The following RARB variants were observed in gnomAD, a reference collection of about 807,000 sequenced individuals.
RARB encodes HBV-activated protein.
A neutral mutation model predicts 51.9 loss-of-function variants in RARB; 17 were observed. The ratio of observed to expected loss-of-function variants is 0.33; its 90% CI spans 0.22 to 0.49. The LOEUF is 0.49. Ranked by LOEUF, RARB falls within the 20% of genes least tolerant of loss-of-function variation. The pLI is 0.99. For missense variants in RARB, 369 were observed against 550.8 expected (o/e 0.67, Z 3.30); for synonymous variants, 215 against 195.4 (o/e 1.10, Z -0.84).
intron 1 of RARB, among the ~76,000 whole-genome samples, chr3:24,852,811 A>G (rs1470014909): frequency 2.0e-5 from 3 of 152,248 alleles, no homozygotes; most frequent in Non-Finnish European, 4.4e-5. Flanking sequence ...ATCTACAGAT[A>G]GAGAAAGTAA....
At chr3:24,963,975 C>T (rs1354281949) in intron 2 of RARB, among the ~76,000 whole-genome samples, 2 of 152,134 alleles carry the variant, frequency 1.3e-5, no homozygotes, top group East Asian at 1.9e-4. Context: ...CAGCAGAGGG[C>T]TTCCATACCT....
intron 1 of RARB, among the ~76,000 whole-genome samples, chr3:25,439,198 A>C (rs1708556246): frequency 6.6e-6 from 1 of 152,250 alleles, no homozygotes; most frequent in Admixed American, 6.5e-5. Context: ...TACCAAAAGC[A>C]AAAAAGTAAA....
At chr3:25,377,163 TAAC>T (rs113699550) in intron 5 of RARB, among the ~76,000 whole-genome samples, 6,216 of 152,270 alleles carry the variant, frequency 0.041, 135 homozygotes, top group Middle Eastern at 0.065. Flanking sequence ...ATTGTGTTAA[TAAC>T]AGATTCCTCT....
chr3:25,381,341 C>A (rs1328971295), intron 5 of RARB, among the ~76,000 whole-genome samples: 1 of 152,204 alleles, frequency 6.6e-6, no homozygotes, highest in Admixed American at 6.5e-5. Flanking sequence ...CAATGTAGTA[C>A]AGTGGCTGTA....
At chr3:24,892,818 A>T (rs568737919) in intron 2 of RARB, among the ~76,000 whole-genome samples, 1 of 152,332 alleles carries the variant, frequency 6.6e-6, no homozygotes, top group East Asian at 1.9e-4. Flanking sequence ...TCTTAAATTC[A>T]GTTGATGACC....
chr3:24,917,094 T>A (rs184814955), intron 2 of RARB, among the ~76,000 whole-genome samples: 12 of 152,334 alleles, frequency 7.9e-5, no homozygotes, highest in African/African-American at 2.9e-4. Flanking sequence ...AACTTTTGTT[T>A]TTTAAAAAAA....
At position 25,596,261 on chromosome 3, in the gene RARB, T is replaced by C. The variant is rs147438989; in HGVS notation, c.1151-159T>C. Among the ~76,000 whole-genome samples the C allele has an allele frequency of 0.018, 2,813 of 152,264 alleles. 89 individuals carry two copies. The highest frequency in any genetic ancestry group is 0.062 in the African/African-American group (2,593 of 41,534). Reference sequence around the variant, plus strand: ...TATGAGTGTGATAGTAATCGATAGATCTTTTTCAACAAAAAGCCACCTGAT... The same window carrying C: ...TATGAGTGTGATAGTAATCGATAGACCTTTTTCAACAAAAAGCCACCTGAT... On this transcript the variant is annotated intron_variant, in intron 7 of 7. Coordinates refer to ENST00000330688, the MANE Select transcript of RARB (RefSeq NM_000965.5).
At chr3:25,410,126 C>CT (rs1200989605) in intron 5 of RARB, among the ~76,000 whole-genome samples, 1 of 152,158 alleles carries the variant, frequency 6.6e-6, no homozygotes, top group African/African-American at 2.4e-5. Flanking sequence ...AACAGATTCC[C>CT]TAAGTTCTGA....
chr3:25,493,789 C>T (rs1575457188), intron 2 of RARB, among the ~76,000 whole-genome samples: 2 of 152,276 alleles, frequency 1.3e-5, no homozygotes, highest in East Asian at 3.9e-4. Flanking sequence ...TGCCAAATTG[C>T]CTTTAAAAAT....
chr3:25,303,571 G>A (rs1025439547), intron 5 of RARB, among the ~76,000 whole-genome samples: 12 of 152,016 alleles, frequency 7.9e-5, no homozygotes, highest in Non-Finnish European at 1.3e-4. Flanking sequence ...TCTTTTGCTG[G>A]GCAGATACCA....
intron 5 of RARB, among the ~76,000 whole-genome samples, chr3:25,328,783 G>C (rs1456486514): frequency 6.6e-6 from 1 of 152,184 alleles, no homozygotes; most frequent in Non-Finnish European, 1.5e-5. Flanking sequence ...GCCAAGGGAA[G>C]CTGTGACAGA....
At chr3:25,138,441 C>G (rs919376007) in intron 4 of RARB, among the ~76,000 whole-genome samples, 2 of 151,750 alleles carry the variant, frequency 1.3e-5, no homozygotes, top group African/African-American at 2.4e-5. Flanking sequence ...TTTGTTGTAC[C>G]AAGGTATATA....
At chr3:25,184,399 C>T (rs1020058900) in intron 5 of RARB, among the ~76,000 whole-genome samples, 2 of 152,052 alleles carry the variant, frequency 1.3e-5, no homozygotes, top group Non-Finnish European at 2.9e-5. Flanking sequence ...CATGTGGTCC[C>T]GCGAGAAGTA....
intron 5 of RARB, among the ~76,000 whole-genome samples, chr3:25,325,507 C>G (rs936388652): frequency 6.6e-6 from 1 of 152,074 alleles, no homozygotes; most frequent in African/African-American, 2.4e-5. Context: ...TGGAGTCGAT[C>G]TGGCTCAAAC....
At chr3:25,149,939 C>G (rs962608504) in intron 4 of RARB, among the ~76,000 whole-genome samples, 1 of 152,120 alleles carries the variant, frequency 6.6e-6, no homozygotes, top group African/African-American at 2.4e-5. Flanking sequence ...CAGTGGCTCA[C>G]TTCTGTAATC....
At chr3:25,154,820 T>C (rs1403456390) in intron 4 of RARB, among the ~76,000 whole-genome samples, 1 of 152,218 alleles carries the variant, frequency 6.6e-6, no homozygotes, top group Non-Finnish European at 1.5e-5. Flanking sequence ...GCATCCTGTG[T>C]GCTTTCATAA....
chr3:25,062,415 A>G (rs1428420458), intron 3 of RARB, among the ~76,000 whole-genome samples: 1 of 151,884 alleles, frequency 6.6e-6, no homozygotes, highest in African/African-American at 2.4e-5. Context: ...TGTGAAATTG[A>G]CCAGTATCTA....
At chr3:25,540,454 G>T (rs539368959) in intron 3 of RARB, among the ~76,000 whole-genome samples, 44 of 152,318 alleles carry the variant, frequency 2.9e-4, no homozygotes, top group Non-Finnish European at 6.2e-4. Flanking sequence ...TGGTTTATCA[G>T]TGAGCTCCCT....
intron 3 of RARB, among the ~76,000 whole-genome samples, chr3:25,067,906 G>A (rs1384061318): frequency 6.6e-6 from 1 of 151,948 alleles, no homozygotes; most frequent in Non-Finnish European, 1.5e-5. Flanking sequence ...GGAAGCTGAG[G>A]CAGGTGGATC....
Sources: gnomAD v4.1 joint callset for allele counts (sites outside exome capture counted in the v4.1 genomes callset) on GRCh38, gnomAD v4.1.1 for gene constraint, MANE v1.5 for transcripts, NCBI Gene and HGNC (gene_info 2026-07-23, HGNC 2026-07-21) for gene names.